The following ANKRD44 variants were observed in gnomAD, a reference collection of about 807,000 sequenced individuals.
ANKRD44 encodes the protein serine/threonine-protein phosphatase 6 regulatory ankyrin repeat subunit B.
ANKRD44 carries 35 observed loss-of-function variants against 116.0 expected under a neutral mutation model. The observed-to-expected ratio is 0.30, with a 90% confidence interval of 0.23 to 0.40. The LOEUF is 0.40. Ranked by LOEUF, ANKRD44 falls within the 10% of genes least tolerant of loss-of-function variation. ANKRD44 has a pLI of 1.00. For missense variants in ANKRD44, 1,014 were observed against 1,242.6 expected (o/e 0.82, Z 2.77); for synonymous variants, 435 against 461.8 (o/e 0.94, Z 0.74).
chr2:197,268,144 A>G (rs1175225956), intron 1 of ANKRD44, among the ~76,000 whole-genome samples: 1 of 152,210 alleles, frequency 6.6e-6, no homozygotes, highest in African/African-American at 2.4e-5. Context: ...GGGCATCACA[A>G]TGGGAAGGAT....
chr2:197,297,342 CTAGT>C (rs2083753223), intron 1 of ANKRD44, among the ~76,000 whole-genome samples: 1 of 152,124 alleles, frequency 6.6e-6, no homozygotes, highest in Non-Finnish European at 1.5e-5. Flanking sequence ...AGAAAGAAGA[CTAGT>C]TAAAAGGTCA....
At chr2:197,255,985 T>C (rs1326156606) in intron 1 of ANKRD44, among the ~76,000 whole-genome samples, 1 of 152,268 alleles carries the variant, frequency 6.6e-6, no homozygotes, top group Admixed American at 6.5e-5. Context: ...GGTCTAACTT[T>C]AGAAAATTGT....
chr2:197,172,691 A>G (rs1210238508), intron 2 of ANKRD44, among the ~76,000 whole-genome samples: 1 of 152,132 alleles, frequency 6.6e-6, no homozygotes, highest in Non-Finnish European at 1.5e-5. Flanking sequence ...CAGCCTCCCA[A>G]GTAACTGGGG....
chr2:197,078,616 C>G, intron 16 of ANKRD44, 87 bp downstream of exon 16: 1 of 1,551,278 alleles, frequency 6.4e-7, no homozygotes, highest in Non-Finnish European at 8.7e-7. Context: ...GCCAGAGCTA[C>G]AACTCTGGAA....
chr2:197,170,190 C>CAAAAAAAAAAAAAAAAAAAAAAAAAAAAA (rs71012960), intron 2 of ANKRD44, among the ~76,000 whole-genome samples: 2 of 119,786 alleles, frequency 1.7e-5, no homozygotes, highest in African/African-American at 3.3e-5. Flanking sequence ...ACCCTGTTTC[C>CAAAAAAAAAAAAAAAAAAAAAAAAAAAAA]AAAAAAAAAA....
At chr2:197,278,766 T>C (rs1465414013) in intron 1 of ANKRD44, among the ~76,000 whole-genome samples, 1 of 152,238 alleles carries the variant, frequency 6.6e-6, no homozygotes, top group Admixed American at 6.5e-5. Flanking sequence ...CACCACCCCT[T>C]TCCTTTCTCT....
rs140008182 is a variant in ANKRD44, at chr2:197,074,929, C to A, written c.1650+3774G>T. On this transcript the variant is annotated intron_variant, in intron 16 of 27. Transcript: ENST00000282272. ...TTTTAGTGTTGAGTTGCCCAAGACA[C>A]AGTTGCTTTCAGTCTTTCTTCAGAG... is the stretch of plus-strand genomic sequence containing the variant. Among the ~76,000 whole-genome samples, 208 of 152,298 alleles carry A rather than the reference C, an allele frequency of 1.4e-3. 1 individual carries two copies. Among genetic ancestry groups the A allele is most frequent in the African/African-American group, 4.5e-3 (189 of 41,580 alleles).
chr2:197,227,095 T>A (rs1372572480), intron 1 of ANKRD44, among the ~76,000 whole-genome samples: 2 of 152,190 alleles, frequency 1.3e-5, no homozygotes, highest in African/African-American at 4.8e-5. Flanking sequence ...ATCTTAATTC[T>A]CAATCTATAT....
intron 16 of ANKRD44, among the ~76,000 whole-genome samples, chr2:197,064,420 C>G (rs954121405): frequency 6.6e-6 from 1 of 152,194 alleles, no homozygotes; most frequent in African/African-American, 2.4e-5. Context: ...CAGCTAACAT[C>G]ATAATGACAG....
intron 1 of ANKRD44, among the ~76,000 whole-genome samples, chr2:197,246,807 C>G (rs952822732): frequency 6.6e-6 from 1 of 152,094 alleles, no homozygotes; most frequent in Non-Finnish European, 1.5e-5. Context: ...ATTGTTCTTT[C>G]CATTTTAGAG....
In ANKRD44 at chr2:196,986,769, T is replaced by C. The variant is rs1174200892; in HGVS notation, c.*2822A>G. On this transcript the variant is annotated 3_prime_UTR_variant, in exon 28 of 28. Transcript: ENST00000282272. ...ATTACGTTATTAGAGCATTCAGTAG[T>C]TGCAAAAGTATTAAACTGTGCTTGA... The C allele has an allele frequency of 2.0e-6, 2 of 984,782 alleles. No homozygotes were observed. The highest frequency in any genetic ancestry group is 2.4e-6 in the Non-Finnish European group (2 of 829,424). The allele number at this position is 984,782 out of a possible 1,614,324, so 61.0% of individuals were successfully genotyped here.
At chr2:197,079,936 T>A (rs1280726734) in intron 15 of ANKRD44, among the ~76,000 whole-genome samples, 1 of 152,182 alleles carries the variant, frequency 6.6e-6, no homozygotes, top group Non-Finnish European at 1.5e-5. Context: ...AAAAACCAAA[T>A]ACCCACATGT....
chr2:197,114,204 C>T (rs1000887995), intron 8 of ANKRD44, among the ~76,000 whole-genome samples: 1 of 152,164 alleles, frequency 6.6e-6, no homozygotes, highest in African/African-American at 2.4e-5. Flanking sequence ...TAAAACATTC[C>T]TTGCGTTCTC....
At chr2:197,265,334 C>T (rs1353036257) in intron 1 of ANKRD44, among the ~76,000 whole-genome samples, 2 of 151,724 alleles carry the variant, frequency 1.3e-5, no homozygotes, top group Admixed American at 1.3e-4. Flanking sequence ...GCAACCTCTG[C>T]CTCCTGGGTT....
intron 1 of ANKRD44, among the ~76,000 whole-genome samples, chr2:197,298,886 T>C (rs2083807557): frequency 6.6e-6 from 1 of 151,418 alleles, no homozygotes. Flanking sequence ...CATTACACTC[T>C]AGCATGGGTG....
At chr2:197,118,615 AAG>A (rs57255941) in intron 8 of ANKRD44, among the ~76,000 whole-genome samples, 1 of 76,398 alleles carries the variant, frequency 1.3e-5, no homozygotes, top group African/African-American at 7.2e-5. Flanking sequence ...GAGAGAAAGA[AAG>A]AGAGAGAGAG....
At position 197,260,224 on chromosome 2, in the gene ANKRD44, T is replaced by TC. The variant is rs776006911; in HGVS notation, c.27+50353dup. Among the ~76,000 whole-genome samples the TC allele has an allele frequency of 1.7e-4, 12 of 70,674 alleles. No individual in the cohort carries two copies. In the East Asian group the frequency reaches 8.5e-3, roughly 50 times the overall value. 46.4% of individuals were successfully genotyped at this position (70,674 alleles called of 152,430 possible). ...GCATTAGGTATATCTCCTAATGCTA[T>TC]CCTCCCCACTCCCCCCACTCCACAA... On this transcript the variant is annotated intron_variant, in intron 1 of 27. Transcript: ENST00000282272.
Position 197,052,150 on chromosome 2 carries a change from C to T in ANKRD44, c.1650+26553G>A, listed in dbSNP as rs904998720. On this transcript the variant is annotated intron_variant, in intron 16 of 27. Transcript: ENST00000282272. ...GACCCACTGGTGTGTAGACCAGGTT[C>T]CAGGGAATAGTGTAACCATCAACTT... Among the ~76,000 whole-genome samples, 2 of 151,930 alleles carry T rather than the reference C, an allele frequency of 1.3e-5. 1 individual carries two copies. Among genetic ancestry groups the T allele is most frequent in the African/African-American group, 4.8e-5 (2 of 41,356 alleles).
At chr2:197,186,829 A>G (rs2080685704) in intron 2 of ANKRD44, among the ~76,000 whole-genome samples, 194 bp downstream of exon 2, 1 of 151,872 alleles carries the variant, frequency 6.6e-6, no homozygotes. Context: ...ATATTTGGGT[A>G]ACTGTATCTC....
Sources: gnomAD v4.1 joint callset for allele counts (sites outside exome capture counted in the v4.1 genomes callset) on GRCh38, gnomAD v4.1.1 for gene constraint, MANE v1.5 for transcripts, NCBI Gene and HGNC (gene_info 2026-07-23, HGNC 2026-07-21) for gene names.